Variants in SLC10A4 observed in about 807,000 individuals in gnomAD.
SLC10A4 encodes the protein putative sodium/bile acid cotransporter 4.
In SLC10A4, 17 loss-of-function variants were observed where a neutral mutation model predicts 22.5. That is an observed-to-expected ratio of 0.76 (90% confidence interval 0.52 to 1.14). The LOEUF (loss-of-function observed/expected upper bound fraction) is 1.14. SLC10A4 is among the 50% of genes most tolerant of loss of function. The pLI, the probability that SLC10A4 is intolerant of heterozygous loss-of-function variation, is 0.00. For synonymous variants in SLC10A4, 257 were observed against 258.2 expected (o/e 1.00, Z 0.04); for missense variants, 548 against 584.0 (o/e 0.94, Z 0.64).
chr4:48,488,536 C>G lies in SLC10A4; in HGVS notation c.911C>G (p.Ala304Gly), dbSNP rs1174971111. The G allele has an allele frequency of 6.2e-7, 1 of 1,613,920 alleles. No homozygotes were observed. The highest frequency in any genetic ancestry group is 8.5e-7 in the Non-Finnish European group (1 of 1,179,988). Residue 304 changes from alanine to glycine, a missense_variant, in exon 3 of 3, where the codon GCA (alanine) becomes GGA (glycine). This residue lies in a region of SLC10A4 where 314 missense variants were observed against 353.2 expected (regional missense o/e 0.89). Transcript: ENST00000273861. ...ASIPAAVYVI[A>G]IFMPLAGYAS... ...ATCCCTGCAGCTGTTTATGTGATAGCAATTTTTATGCCTTTGGCAGGCTAC... is the reference window on the plus strand; with the variant it reads ...ATCCCTGCAGCTGTTTATGTGATAGGAATTTTTATGCCTTTGGCAGGCTAC...
In SLC10A4 at chr4:48,488,828, T is replaced by C. The variant is rs755519386; in HGVS notation, c.1203T>C (p.Asp401=). 1 of 1,613,776 alleles carries C rather than the reference T, an allele frequency of 6.2e-7. No homozygotes were observed. Among genetic ancestry groups the C allele is most frequent in the Non-Finnish European group, 8.5e-7 (1 of 1,179,834 alleles). ...HKRDPLDEDE[D]TDISYKKLKE... ...GAGATCCTCTAGATGAAGATGAAGA[T>C]ACAGATATTTCTTATAAAAAACTAA... Residue 401 remains aspartate (D), a synonymous_variant, in exon 3 of 3, where the codon GAT becomes GAC. Transcript: ENST00000273861.
At position 48,483,516 on chromosome 4, in the gene SLC10A4, A is replaced by T; in HGVS notation, c.-46A>T. On this transcript the variant is annotated 5_prime_UTR_variant, in exon 1 of 3. Coordinates refer to ENST00000273861, the MANE Select transcript of SLC10A4 (RefSeq NM_152679.4). This position sits in a 1 kb window ranked among gnomAD's most constrained non-coding sequence, Gnocchi z 5.4. ...ACTGCGGCGACCGCGGGACGGCGAG[A>T]GGCACGCGGCGGGAGGGGACCGGAA... 7.0e-7 allele frequency: 1 copy of T among 1,429,520 alleles called. No individual in the cohort carries two copies. Among genetic ancestry groups the T allele is most frequent in the Non-Finnish European group, 9.2e-7 (1 of 1,083,428 alleles). 88.6% of individuals were successfully genotyped at this position (1,429,520 alleles called of 1,614,324 possible).
chr4:48,488,567 A>G lies in SLC10A4; in HGVS notation c.942A>G (p.Ser314=), dbSNP rs1718326926. 6.2e-7 allele frequency: 1 copy of G among 1,613,944 alleles called. No individual in the cohort carries two copies. The highest frequency in any genetic ancestry group is 8.5e-7 in the Non-Finnish European group (1 of 1,179,992). Residue 314 remains serine (S), a synonymous_variant, in exon 3 of 3, where the codon TCA becomes TCG. Transcript: ENST00000273861. Reference sequence around the variant, plus strand: ...TTATGCCTTTGGCAGGCTACGCTTCAGGTTATGGTTTAGCTACTCTCTTCC... The same window carrying G: ...TTATGCCTTTGGCAGGCTACGCTTCGGGTTATGGTTTAGCTACTCTCTTCC... ...AIFMPLAGYA[S]GYGLATLFHL...
chr4:48,483,795 G>C lies in SLC10A4; in HGVS notation c.234G>C (p.Ala78=). The C allele has an allele frequency of 6.6e-7, 1 of 1,505,016 alleles. No homozygotes were observed. Among genetic ancestry groups the C allele is most frequent in the South Asian group, 1.2e-5 (1 of 80,266 alleles). The allele number at this position is 1,505,016 out of a possible 1,614,324, so 93.2% of individuals were successfully genotyped here. The part of the protein sequence containing the change: ...PTTSGLAGGA[A]SHGPSPFPRP... ...CCAGCGGCCTCGCGGGCGGCGCGGCGAGCCACGGCCCTTCCCCGTTCCCTC... is the reference window on the plus strand; with the variant it reads ...CCAGCGGCCTCGCGGGCGGCGCGGCCAGCCACGGCCCTTCCCCGTTCCCTC... Residue 78 remains alanine (A), a synonymous_variant, in exon 1 of 3, where the codon GCG becomes GCC. Transcript: ENST00000273861. This position sits in a 1 kb window ranked among gnomAD's most constrained non-coding sequence, Gnocchi z 5.4.
chr4:48,484,659 TC>T (rs1201892250), intron 1 of SLC10A4, among the ~76,000 whole-genome samples: 1 of 152,086 alleles, frequency 6.6e-6, no homozygotes, highest in Non-Finnish European at 1.5e-5. Flanking sequence ...TTCCTTCCCC[TC>T]AGAATCATCC....
Position 48,488,482 on chromosome 4 carries a change from CT to C in SLC10A4, c.858del (p.Met287CysfsTer2), listed in dbSNP as rs777668192. On this transcript the variant is annotated frameshift_variant, in exon 3 of 3. Transcript: ENST00000273861. LOFTEE classifies it high-confidence loss of function. ...TLVVLFIMTGTMLGPELLASI... is the reference protein window; with the variant it reads ...TLVVLFIMTGXMLGPELLASI... ...GTGGTCCTTTTCATAATGACCGGCACTATGTTAGGACCTGAACTGCTGGCAA... is the reference window on the plus strand; with the variant it reads ...GTGGTCCTTTTCATAATGACCGGCACATGTTAGGACCTGAACTGCTGGCAA... 19 of 1,613,486 alleles carry C rather than the reference CT, an allele frequency of 1.2e-5. No individual in the cohort carries two copies. The highest frequency in any genetic ancestry group is 1.6e-5 in the Non-Finnish European group (19 of 1,179,832).
intron 1 of SLC10A4, 45 bp downstream of exon 1, chr4:48,484,196 C>T (rs1469543133): frequency 6.7e-7 from 1 of 1,495,306 alleles, no homozygotes; most frequent in Admixed American, 2.1e-5. Flanking sequence ...ATCCCAGACG[C>T]GCGTTTACGG....
Position 48,489,238 on chromosome 4 carries a change from G to A in SLC10A4, c.*299G>A, listed in dbSNP as rs1718344130. On this transcript the variant is annotated 3_prime_UTR_variant, in exon 3 of 3. Coordinates refer to ENST00000273861, the MANE Select transcript of SLC10A4 (RefSeq NM_152679.4). ...AAATACAGAATCTATTAGAAAACAG[G>A]GTCTTGGAAATGTAGAATTTTGGCG... 1 of 236,878 alleles carries A rather than the reference G, an allele frequency of 4.2e-6. No homozygotes were observed. Among genetic ancestry groups the A allele is most frequent in the Non-Finnish European group, 8.1e-6 (1 of 123,782 alleles). The allele number at this position is 236,878 out of a possible 1,614,324, so 14.7% of individuals were successfully genotyped here.
chr4:48,483,801 C>A lies in SLC10A4; in HGVS notation c.240C>A (p.His80Gln), dbSNP rs1484737392. ...GCCTCGCGGGCGGCGCGGCGAGCCA[C>A]GGCCCTTCCCCGTTCCCTCGGCCCT... ...TSGLAGGAAS[H>Q]GPSPFPRPWA... Residue 80 changes from histidine to glutamine, a missense_variant, in exon 1 of 3, where the codon CAC becomes CAA. Around this residue, in one of 3 missense-constraint regions of SLC10A4, gnomAD observed 225 missense variants for 206.9 expected, o/e 1.09. Coordinates refer to ENST00000273861, the MANE Select transcript of SLC10A4 (RefSeq NM_152679.4). The surrounding 1 kb of genome is among the most constrained non-coding windows in gnomAD (Gnocchi z 5.4). The A allele has an allele frequency of 1.3e-6, 2 of 1,513,030 alleles. No individual in the cohort carries two copies. The highest frequency in any genetic ancestry group is 1.8e-6 in the Non-Finnish European group (2 of 1,136,890). 93.7% of individuals were successfully genotyped at this position (1,513,030 alleles called of 1,614,324 possible).
At position 48,488,704 on chromosome 4, in the gene SLC10A4, T is replaced by C. The variant is rs918588591; in HGVS notation, c.1079T>C (p.Met360Thr). 8 of 1,614,040 alleles carry C rather than the reference T, an allele frequency of 5.0e-6. No individual in the cohort carries two copies. Among genetic ancestry groups the C allele is most frequent in the African/African-American group, 2.7e-5 (2 of 75,066 alleles). The change falls in exon 3 of 3, where the codon ATG becomes ACG. Residue 360 changes from methionine to threonine, a missense_variant. Met to Thr is a moderately conservative substitution (Grantham distance 81). Coordinates refer to ENST00000273861, the MANE Select transcript of SLC10A4 (RefSeq NM_152679.4). ...TTTCCACCGCAATTCATAGGAAGCA[T>C]GTACATGTTTCCTTTGCTGTATGCA... ...LAFPPQFIGS[M>T]YMFPLLYALF...
Position 48,483,472 on chromosome 4 carries a change from G to A in SLC10A4, c.-90G>A. On this transcript the variant is annotated 5_prime_UTR_variant, in exon 1 of 3. Coordinates refer to ENST00000273861, the MANE Select transcript of SLC10A4 (RefSeq NM_152679.4). This position sits in a 1 kb window ranked among gnomAD's most constrained non-coding sequence, Gnocchi z 5.4. ...CGCAGCCGGGGCTCGGAGACCGACGGGCAGAACGACGGGCGGCGACTGCGG... is the reference window on the plus strand; with the variant it reads ...CGCAGCCGGGGCTCGGAGACCGACGAGCAGAACGACGGGCGGCGACTGCGG... 1.8e-6 allele frequency: 2 copies of A among 1,120,186 alleles called. No individual in the cohort carries two copies. Among genetic ancestry groups the A allele is most frequent in the East Asian group, 3.3e-5 (1 of 30,324 alleles). 69.4% of individuals were successfully genotyped at this position (1,120,186 alleles called of 1,614,324 possible). A position where few individuals can be genotyped will look rare whatever the true frequency, so the allele number is the denominator to read the frequency against.
chr4:48,484,185 C>T, intron 1 of SLC10A4, 34 bp downstream of exon 1: 2 of 1,512,910 alleles, frequency 1.3e-6, no homozygotes, highest in Non-Finnish European at 8.9e-7. Context: ...GCATCTGTCT[C>T]ATCCCAGACG....
At chr4:48,486,987 C>T (rs574836016) in intron 2 of SLC10A4, among the ~76,000 whole-genome samples, 1 of 152,170 alleles carries the variant, frequency 6.6e-6, no homozygotes, top group South Asian at 2.1e-4. Flanking sequence ...GAACCAGAAG[C>T]AACATTTAAG....
rs1170590758 is a variant in SLC10A4, at chr4:48,488,996, C to T, written c.*57C>T. ...TGAAATATTGCTTCATATTTATAGC[C>T]TGTGGTAGTGCACATGGTTAACATA... On this transcript the variant is annotated 3_prime_UTR_variant, in exon 3 of 3. Transcript: ENST00000273861. 2.7e-6 allele frequency: 4 copies of T among 1,507,768 alleles called. No homozygotes were observed. The highest frequency in any genetic ancestry group is 3.5e-6 in the Non-Finnish European group (4 of 1,126,818). 93.4% of individuals were successfully genotyped at this position (1,507,768 alleles called of 1,614,324 possible). A position where few individuals can be genotyped will look rare whatever the true frequency, so the allele number is the denominator to read the frequency against.
intron 2 of SLC10A4, among the ~76,000 whole-genome samples, chr4:48,486,690 T>G (rs1718288807): frequency 6.6e-6 from 1 of 152,068 alleles, no homozygotes; most frequent in African/African-American, 2.4e-5. Context: ...GCCCAAATGA[T>G]TTAAAATAGT....
At position 48,484,964 on chromosome 4, in the gene SLC10A4, C is replaced by G. The variant is rs369510904; in HGVS notation, c.623C>G (p.Ala208Gly). Residue 208 changes from alanine (A) to glycine (G), a missense_variant, in exon 2 of 3, where the codon GCC becomes GGC. Ala to Gly is a moderately conservative substitution (Grantham distance 60). Coordinates refer to ENST00000273861, the MANE Select transcript of SLC10A4 (RefSeq NM_152679.4). ...IIMTISSTLL[A>G]LVLMPLCLWI... is the part of the protein sequence containing the mutation. ...ATGACCATCTCCTCCACGCTTCTGG[C>G]CCTCGTCTTGATGCCCCTGTGCCTG... is the stretch of plus-strand genomic sequence containing the variant. 1.1e-5 allele frequency: 18 copies of G among 1,613,936 alleles called. No homozygotes were observed. The highest frequency in any genetic ancestry group is 1.3e-5 in the African/African-American group (1 of 74,908).
At position 48,483,853 on chromosome 4, in the gene SLC10A4, G is replaced by C. The variant is rs759952259; in HGVS notation, c.292G>C (p.Asp98His). Residue 98 changes from aspartate to histidine, a missense_variant, in exon 1 of 3, where the codon GAC becomes CAC. By Grantham distance (81) the Asp-to-His change is moderately conservative (BLOSUM62 -1). Coordinates refer to ENST00000273861, the MANE Select transcript of SLC10A4 (RefSeq NM_152679.4). This position sits in a 1 kb window ranked among gnomAD's most constrained non-coding sequence, Gnocchi z 5.4. ...GGCGCCCCACGCGCTCCCGTTCTGGGACACGCCGCTGAACCACGGGCTGAA... is the reference window on the plus strand; with the variant it reads ...GGCGCCCCACGCGCTCCCGTTCTGGCACACGCCGCTGAACCACGGGCTGAA... ...PWAPHALPFW[D>H]TPLNHGLNVF... 1.3e-6 allele frequency: 2 copies of C among 1,540,968 alleles called. No individual in the cohort carries two copies. Among genetic ancestry groups the C allele is most frequent in the Non-Finnish European group, 8.7e-7 (1 of 1,145,644 alleles).
rs768575946 is a variant in SLC10A4, at chr4:48,488,523, G to A, written c.898G>A (p.Val300Ile). 24 of 1,613,742 alleles carry A rather than the reference G, an allele frequency of 1.5e-5. No homozygotes were observed. In the Admixed American group the frequency reaches 2.5e-4, roughly 17 times the overall value. ...PELLASIPAA[V>I]YVIAIFMPLA... Reference sequence around the variant, plus strand: ...ACTGCTGGCAAGTATCCCTGCAGCTGTTTATGTGATAGCAATTTTTATGCC... The same window carrying A: ...ACTGCTGGCAAGTATCCCTGCAGCTATTTATGTGATAGCAATTTTTATGCC... Residue 300 changes from valine to isoleucine, a missense_variant, in exon 3 of 3, where the codon GTT becomes ATT. Val to Ile is a conservative substitution (Grantham distance 29). This residue lies in a region of SLC10A4 where 314 missense variants were observed against 353.2 expected (regional missense o/e 0.89). Transcript: ENST00000273861.
intron 1 of SLC10A4, among the ~76,000 whole-genome samples, chr4:48,484,562 G>C (rs999843287): frequency 1.3e-5 from 2 of 152,210 alleles, no homozygotes; most frequent in African/African-American, 4.8e-5. Context: ...ATCTCACATA[G>C]AGTGCAGGAT....
Sources: gnomAD v4.1 joint callset for allele counts (sites outside exome capture counted in the v4.1 genomes callset) on GRCh38, gnomAD v4.1.1 for gene constraint, gnomAD v4.1.1 regional missense constraint, Gnocchi (gnomAD v3.1) non-coding constraint, MANE v1.5 for transcripts, NCBI Gene and HGNC (gene_info 2026-07-23, HGNC 2026-07-21) for gene names.